The following KLF17 variants were observed in gnomAD, a reference collection of about 807,000 sequenced individuals.
KLF17 encodes the protein Krueppel-like factor 17.
KLF17 carries 31 observed loss-of-function variants against 34.2 expected under a neutral mutation model. The ratio of observed to expected loss-of-function variants is 0.91; its 90% CI spans 0.68 to 1.22. The LOEUF (loss-of-function observed/expected upper bound fraction) is 1.22. KLF17 is among the 50% of genes most tolerant of loss of function. The pLI, the probability that KLF17 is intolerant of heterozygous loss-of-function variation, is 0.00. For synonymous variants in KLF17, 179 were observed against 186.7 expected, an observed-to-expected ratio of 0.96 and a Z score of 0.34; for missense variants, 478 against 505.2, an observed-to-expected ratio of 0.95 and a Z score of 0.52.
chr1:44,054,632 C>T, the KLF17 span, among the ~76,000 whole-genome samples: 1 of 151,812 alleles, frequency 6.6e-6, no homozygotes, highest in Non-Finnish European at 1.5e-5. Context: ...AGGCGCTCAC[C>T]ACCATGACCG....
chr1:44,102,256 G>A, the KLF17 span, among the ~76,000 whole-genome samples: 59 of 151,180 alleles, frequency 3.9e-4, no homozygotes, highest in Non-Finnish European at 7.5e-4. Flanking sequence ...ACTTTAGGCC[G>A]GGCACGGTGA....
chr1:44,086,295 C>T, the KLF17 span, among the ~76,000 whole-genome samples: 5 of 152,068 alleles, frequency 3.3e-5, no homozygotes, highest in Admixed American at 6.6e-5. Context: ...GGAGAAACCC[C>T]GTCTCTACTA....
chr1:44,100,116 A>AC, the KLF17 span, among the ~76,000 whole-genome samples: 4 of 144,234 alleles, frequency 2.8e-5, no homozygotes, highest in Non-Finnish European at 4.5e-5. Flanking sequence ...ACACACACAC[A>AC]AATTAGCTGG....
At chr1:44,077,518 C>T in the KLF17 span, among the ~76,000 whole-genome samples, 2 of 152,112 alleles carry the variant, frequency 1.3e-5, no homozygotes, top group Non-Finnish European at 2.9e-5. Context: ...TGGCTTGTGT[C>T]TGCTCTGTGA....
chr1:44,109,510 T>G, the KLF17 span, among the ~76,000 whole-genome samples: 3 of 152,212 alleles, frequency 2.0e-5, no homozygotes, highest in Admixed American at 6.5e-5. Flanking sequence ...AGTAACATCT[T>G]TTTACTGATT....
chr1:44,127,339 G>T (rs1454949474), intron 1 of KLF17, among the ~76,000 whole-genome samples: 1 of 152,138 alleles, frequency 6.6e-6, no homozygotes, highest in Non-Finnish European at 1.5e-5. Flanking sequence ...CTCAGGTCAA[G>T]AAATAGAAGC....
chr1:44,052,946 G>A, the KLF17 span, among the ~76,000 whole-genome samples: 1 of 151,248 alleles, frequency 6.6e-6, no homozygotes. Context: ...TGTTGCACAG[G>A]CTGGAGTGCA....
At chr1:44,127,692 T>TTTCTTTCTTTCTTTCTTTTTC (rs1553171671) in intron 1 of KLF17, among the ~76,000 whole-genome samples, 26 of 90,172 alleles carry the variant, frequency 2.9e-4, no homozygotes, top group African/African-American at 1.3e-3. Context: ...CTTTCTTTCT[T>TTTCTTTCTTTCTTTCTTTTTC]TTTCTTTCTT....
At position 44,133,672 on chromosome 1, in the gene KLF17, C is replaced by T. The variant is rs2088137358; in HGVS notation, c.*435C>T. On this transcript the variant is annotated 3_prime_UTR_variant, in exon 4 of 4. Transcript: ENST00000372299. ...CGGTCCTCTGCAGGCTCAAGCCTAT[C>T]TGGGCCTCTGGGGAAGCCCCACAGC... 6.6e-6 allele frequency: 1 copy of T among 152,392 alleles called. No homozygotes were observed. The highest frequency in any genetic ancestry group is 2.4e-5 in the African/African-American group (1 of 41,464). 9.4% of individuals were successfully genotyped at this position (152,392 alleles called of 1,614,324 possible).
chr1:44,123,233 G>GT (rs914924265), intron 1 of KLF17, among the ~76,000 whole-genome samples: 25 of 151,788 alleles, frequency 1.6e-4, no homozygotes, highest in Non-Finnish European at 2.7e-4. Context: ...AATTTTTAGG[G>GT]TTTTTTTGTA....
the KLF17 span, among the ~76,000 whole-genome samples, chr1:44,077,729 A>T: frequency 5.9e-5 from 9 of 152,352 alleles, no homozygotes; most frequent in East Asian, 9.6e-4. Flanking sequence ...AGGCCTCTAC[A>T]CAGTCAGAAT....
At chr1:44,071,285 G>A in the KLF17 span, among the ~76,000 whole-genome samples, 1 of 152,046 alleles carries the variant, frequency 6.6e-6, no homozygotes, top group Non-Finnish European at 1.5e-5. Context: ...CTCTGAGCTG[G>A]GTCTTTTCTA....
chr1:44,067,510 A>G, the KLF17 span, among the ~76,000 whole-genome samples: 1 of 152,114 alleles, frequency 6.6e-6, no homozygotes, highest in Non-Finnish European at 1.5e-5. Flanking sequence ...AAGAGGTGGG[A>G]GAGAAACAGG....
At chr1:44,094,375 T>C in the KLF17 span, among the ~76,000 whole-genome samples, 1 of 152,202 alleles carries the variant, frequency 6.6e-6, no homozygotes, top group African/African-American at 2.4e-5. Context: ...CATTTTTCTT[T>C]GGTTGCCTTG....
chr1:44,065,340 C>G, the KLF17 span, among the ~76,000 whole-genome samples: 2 of 148,420 alleles, frequency 1.3e-5, no homozygotes, highest in African/African-American at 5.0e-5. Context: ...AGCCAGAATA[C>G]TAGTGATTAT....
At chr1:44,127,708 CTTTCTTCTCT>C (rs1387698876) in intron 1 of KLF17, among the ~76,000 whole-genome samples, 49 of 96,620 alleles carry the variant, frequency 5.1e-4, no homozygotes, top group African/African-American at 1.8e-3. Flanking sequence ...TTCTTTCTTT[CTTTCTTCTCT>C]TTTCTTTCTT....
the KLF17 span, among the ~76,000 whole-genome samples, chr1:44,068,579 G>A: frequency 2.0e-5 from 3 of 152,216 alleles, no homozygotes; most frequent in Admixed American, 2.0e-4. Context: ...AAGCTAATGT[G>A]TTATCTGATT....
the KLF17 span, chr1:44,104,555 A>G: frequency 1.5e-6 from 1 of 678,554 alleles, no homozygotes; most frequent in East Asian, 2.8e-5. Context: ...GGGGCTCAGC[A>G]GACTCTGGTT....
At chr1:44,108,956 C>T in the KLF17 span, among the ~76,000 whole-genome samples, 15 of 152,104 alleles carry the variant, frequency 9.9e-5, no homozygotes, top group African/African-American at 3.4e-4. Flanking sequence ...CATGAGCCAC[C>T]GCACCCAGCC....
Sources: allele counts gnomAD v4.1 joint callset (sites outside exome capture counted in the v4.1 genomes callset), GRCh38; gene constraint gnomAD v4.1.1; transcripts MANE v1.5; gene names NCBI Gene and HGNC (gene_info 2026-07-23, HGNC 2026-07-21).